MELTF: variants seen among roughly 807,000 people sequenced by gnomAD.
The protein encoded by MELTF is antigen p97 (melanoma associated) identified by monoclonal antibodies 133.2 and 96.5.
Under a neutral mutation model 83.7 loss-of-function variants are expected in MELTF, and 67 were observed. The ratio of observed to expected loss-of-function variants is 0.80; its 90% CI spans 0.66 to 0.98. The LOEUF is 0.98. Among genes scored for constraint, MELTF ranks in the 50% least tolerant of loss-of-function variants. MELTF has a pLI of 0.00. For missense variants in MELTF, 1,002 were observed against 1,035.6 expected, an observed-to-expected ratio of 0.97 and a Z score of 0.44; for synonymous variants, 462 against 447.6, an observed-to-expected ratio of 1.03 and a Z score of -0.41.
intron 1 of MELTF, 64 bp from the exon 2 acceptor site, chr3:197,027,974 G>C (rs1719934985): frequency 1.3e-6 from 2 of 1,493,296 alleles, no homozygotes; most frequent in Admixed American, 2.0e-5. Flanking sequence ...CACCATGGAG[G>C]GTGGCTCCAG....
chr3:197,019,443 C>CT, intron 6 of MELTF: 1 of 1,428,316 alleles, frequency 7.0e-7, no homozygotes, highest in East Asian at 2.3e-5. Flanking sequence ...CCTCAGATTA[C>CT]CATCAACACT....
At chr3:197,026,495 T>C in intron 3 of MELTF, 165 bp downstream of exon 3, 1 of 626,138 alleles carries the variant, frequency 1.6e-6, no homozygotes, top group Non-Finnish European at 2.9e-6. Flanking sequence ...GGAGCTCCTG[T>C]CCCTGGGGAA....
At chr3:197,017,504 C>G (rs1391459503) in intron 6 of MELTF, among the ~76,000 whole-genome samples, 2 of 152,198 alleles carry the variant, frequency 1.3e-5, no homozygotes, top group Non-Finnish European at 2.9e-5. Context: ...TCACCAATTT[C>G]TATTGCTAAA....
intron 6 of MELTF, 27 bp downstream of exon 6, chr3:197,021,377 C>G: frequency 6.2e-7 from 1 of 1,613,168 alleles, no homozygotes; most frequent in Non-Finnish European, 8.5e-7. Flanking sequence ...CCCTGCTCCT[C>G]TGGGCCCGTG....
In MELTF at chr3:197,005,369, AAC is replaced by A. The variant is rs371485480; in HGVS notation, c.1938+1178_1938+1179del. On this transcript the variant is annotated intron_variant, in intron 14 of 15. Transcript: ENST00000296350. Reference sequence around the variant, plus strand: ...TGATCCATTTGAGATGACTGTTAGAAACACAAGTCAAAATGTCAAGTATGTAG... The same window carrying A: ...TGATCCATTTGAGATGACTGTTAGAAACAAGTCAAAATGTCAAGTATGTAG... Among the ~76,000 whole-genome samples, 110 of 152,340 alleles carry A rather than the reference AAC, an allele frequency of 7.2e-4. No homozygotes were observed. The East Asian group carries it at 0.019, about 26-fold the overall frequency.
intron 6 of MELTF, chr3:197,019,433 C>T: frequency 2.9e-6 from 4 of 1,398,880 alleles, no homozygotes; most frequent in South Asian, 1.8e-5. Flanking sequence ...CCTTAGATTG[C>T]CTCAGATTAC....
At chr3:197,019,567 C>T in intron 6 of MELTF, 2 of 1,577,266 alleles carry the variant, frequency 1.3e-6, no homozygotes, top group Non-Finnish European at 1.7e-6. Flanking sequence ...GTGAGACCCC[C>T]ATCTCAAAAA....
intron 6 of MELTF, among the ~76,000 whole-genome samples, chr3:197,017,578 A>G (rs923856775): frequency 6.6e-6 from 1 of 152,358 alleles, no homozygotes; most frequent in East Asian, 1.9e-4. Context: ...TAAAAAAAGT[A>G]AGAAAATAAG....
chr3:197,021,506 A>AGCCCCT (rs748373204), intron 5 of MELTF, 35 bp from the exon 6 acceptor site: 13 of 1,601,300 alleles, frequency 8.1e-6, no homozygotes, highest in Admixed American at 3.3e-5. Context: ...GGATGGGCTG[A>AGCCCCT]GCCCCTGCCC....
In MELTF at chr3:197,022,422, A is replaced by G. The variant is rs541707595; in HGVS notation, c.644+535T>C. Among the ~76,000 whole-genome samples the G allele has an allele frequency of 6.6e-6, 1 of 152,318 alleles. No individual in the cohort carries two copies. The highest frequency in any genetic ancestry group is 2.1e-4 in the South Asian group (1 of 4,828). Reference sequence around the variant, plus strand: ...AACATCTGGAGTGTGGGGCACCAGCAGGCTTCCCTGCTCCAGGTGGAAACG... The same window carrying G: ...AACATCTGGAGTGTGGGGCACCAGCGGGCTTCCCTGCTCCAGGTGGAAACG... On this transcript the variant is annotated intron_variant, in intron 5 of 15. Coordinates refer to ENST00000296350, the MANE Select transcript of MELTF (RefSeq NM_005929.6). This position sits in a 1 kb window ranked among gnomAD's most constrained non-coding sequence, Gnocchi z 5.1.
rs1417349520 is a variant in MELTF, at chr3:197,027,884, A to G, written c.76T>C (p.Cys26Arg). 2 of 1,602,016 alleles carry G rather than the reference A, an allele frequency of 1.2e-6. No individual in the cohort carries two copies. Among genetic ancestry groups the G allele is most frequent in the African/African-American group, 2.7e-5 (2 of 74,752 alleles). Residue 26 changes from cysteine to arginine, a missense_variant, in exon 2 of 16, where the codon TGC (cysteine) becomes CGC (arginine). Coordinates refer to ENST00000296350, the MANE Select transcript of MELTF (RefSeq NM_005929.6). ...TVLGGMEVRW[C>R]ATSDPEQHKC... ...TGCTGCTCTGGGTCCGAGGTGGCGC[A>G]CCACCGCACCTCCATGCCACCGAGC...
At position 197,008,507 on chromosome 3, in the gene MELTF, G is replaced by C. The variant is rs1719056764; in HGVS notation, c.1750+150C>G. 1.6e-5 allele frequency: 13 copies of C among 817,124 alleles called. No individual in the cohort carries two copies. The South Asian group carries it at 2.3e-4, about 14-fold the overall frequency. The allele number at this position is 817,124 out of a possible 1,614,324, so 50.6% of individuals were successfully genotyped here. A position where few individuals can be genotyped will look rare whatever the true frequency, so the allele number is the denominator to read the frequency against. On this transcript the variant is annotated intron_variant, in intron 13 of 15. Transcript: ENST00000296350. This position sits in a 1 kb window ranked among gnomAD's most constrained non-coding sequence, Gnocchi z 5.4. Reference sequence around the variant, plus strand: ...GTCTGTTCTTACCCTGTGACCCTTGGGGCTCCCAGCTTCCCAGGGGGCACA... The same window carrying C: ...GTCTGTTCTTACCCTGTGACCCTTGCGGCTCCCAGCTTCCCAGGGGGCACA...
chr3:197,019,630 G>C, intron 6 of MELTF: 1 of 1,611,420 alleles, frequency 6.2e-7, no homozygotes, highest in South Asian at 1.1e-5. Context: ...CCTACTCTTT[G>C]CCCGTTTTCC....
chr3:197,021,397 CA>C lies in MELTF; in HGVS notation c.712+6del. 1 of 1,614,010 alleles carries C rather than the reference CA, an allele frequency of 6.2e-7. No individual in the cohort carries two copies. Among genetic ancestry groups the C allele is most frequent in the Non-Finnish European group, 8.5e-7 (1 of 1,179,960 alleles). ...CTCCTCTGGGCCCGTGCCCCTCCCCCACTCACCATCCGTGTTCTCCAGTACC... is the reference window on the plus strand; with the variant it reads ...CTCCTCTGGGCCCGTGCCCCTCCCCCCTCACCATCCGTGTTCTCCAGTACC... On this transcript the variant is annotated splice_donor_region_variant and intron_variant, in intron 6 of 15. Coordinates refer to ENST00000296350, the MANE Select transcript of MELTF (RefSeq NM_005929.6).
At chr3:197,021,553 T>C (rs1719624701) in intron 5 of MELTF, 82 bp from the exon 6 acceptor site, 3 of 1,364,562 alleles carry the variant, frequency 2.2e-6, no homozygotes, top group Admixed American at 1.8e-5. Context: ...TGGCTTGGGC[T>C]GTAGGGGTGG....
chr3:197,010,332 G>A (rs1719142380), intron 10 of MELTF, among the ~76,000 whole-genome samples: 2 of 152,264 alleles, frequency 1.3e-5, no homozygotes, highest in South Asian at 2.1e-4. Flanking sequence ...AGAAGAGGCT[G>A]AGGAGGCCCC....
chr3:197,019,095 A>G, intron 6 of MELTF: 1 of 985,784 alleles, frequency 1.0e-6, no homozygotes, highest in Non-Finnish European at 1.2e-6. Context: ...CACCCGCACC[A>G]GAGTGATCGT....
chr3:197,012,438 G>A lies in MELTF; in HGVS notation c.1234-1644C>T, dbSNP rs566410837. Among the ~76,000 whole-genome samples the A allele has an allele frequency of 9.8e-5, 15 of 152,392 alleles. No individual in the cohort carries two copies. In the South Asian group the frequency reaches 2.9e-3, roughly 29 times the overall value. ...TGGGGCATACGGGGAGTGTCAGCTT[G>A]CGCGATGGTCATCGTCGTAAGCCTG... On this transcript the variant is annotated intron_variant, in intron 9 of 15. Transcript: ENST00000296350.
rs1023346657 is a variant in MELTF at position 197,003,338 on chromosome 3, C to G, written c.*34G>C. On this transcript the variant is annotated 3_prime_UTR_variant, in exon 16 of 16. Coordinates refer to ENST00000296350, the MANE Select transcript of MELTF (RefSeq NM_005929.6). The surrounding 1 kb of genome is among the most constrained non-coding windows in gnomAD (Gnocchi z 6.2). ...GAAGCCGCCGCGGAAACTCCCCGGGCGGGCATCGGAGCTCTGGGGCGGGGC... is the reference window on the plus strand; with the variant it reads ...GAAGCCGCCGCGGAAACTCCCCGGGGGGGCATCGGAGCTCTGGGGCGGGGC... 4 of 1,024,910 alleles carry G rather than the reference C, an allele frequency of 3.9e-6. No individual in the cohort carries two copies. The highest frequency in any genetic ancestry group is 5.9e-5 in the Admixed American group (1 of 17,048). The allele number at this position is 1,024,910 out of a possible 1,614,324, so 63.5% of individuals were successfully genotyped here. A position where few individuals can be genotyped will look rare whatever the true frequency, so the allele number is the denominator to read the frequency against.
Sources: allele counts gnomAD v4.1 joint callset (sites outside exome capture counted in the v4.1 genomes callset), GRCh38; gene constraint gnomAD v4.1.1; non-coding constraint Gnocchi (gnomAD v3.1); transcripts MANE v1.5; gene names NCBI Gene and HGNC (gene_info 2026-07-23, HGNC 2026-07-21).